The following FHOD3 variants were observed in gnomAD, a reference collection of about 807,000 sequenced individuals.
The protein encoded by FHOD3 is FH1/FH2 domain-containing protein 3.
FHOD3 carries 90 observed loss-of-function variants against 173.0 expected under a neutral mutation model. The ratio of observed to expected loss-of-function variants is 0.52; its 90% CI spans 0.44 to 0.62. FHOD3 has a LOEUF of 0.62. Among genes scored for constraint, FHOD3 ranks in the 20% least tolerant of loss-of-function variants. The pLI, the probability that FHOD3 is intolerant of heterozygous loss-of-function variation, is 0.00. For synonymous variants in FHOD3, 828 were observed against 823.0 expected (o/e 1.01, Z -0.10); for missense variants, 1,945 against 2,034.7 (o/e 0.96, Z 0.85).
intron 5 of FHOD3, among the ~76,000 whole-genome samples, chr18:36,517,637 A>T (rs1056218928): frequency 1.3e-5 from 2 of 152,254 alleles, no homozygotes; most frequent in African/African-American, 2.4e-5. Context: ...AATACCAATT[A>T]ATCATAAAAC....
At chr18:36,694,868 T>A (rs1282847466) in intron 17 of FHOD3, among the ~76,000 whole-genome samples, 3 of 152,226 alleles carry the variant, frequency 2.0e-5, no homozygotes, top group African/African-American at 7.2e-5. Context: ...AGATAATTTC[T>A]TACGTATTTG....
Position 36,652,797 on chromosome 18 carries a change from C to T in FHOD3, c.1514C>T (p.Ser505Phe), listed in dbSNP as rs532219022. 236 of 1,536,034 alleles carry T rather than the reference C, an allele frequency of 1.5e-4. 5 individuals carry two copies. In the South Asian group the frequency reaches 2.7e-3, roughly 17 times the overall value. Residue 505 changes from serine (S) to phenylalanine (F), a missense_variant, in exon 12 of 29, where the codon TCC (serine) becomes TTC (phenylalanine). Transcript: ENST00000590592. The stretch of plus-strand genomic sequence containing the variant: ...CGGCCCTCCTCCGCCACACCAGGCT[C>T]CCTGAAGGTGTCACCGACCATAGAC... ...AARPSSATPG[S>F]LKVSPTIDKL...
intron 6 of FHOD3, among the ~76,000 whole-genome samples, chr18:36,577,905 C>T (rs954096700): frequency 2.6e-5 from 4 of 152,154 alleles, no homozygotes; most frequent in South Asian, 2.1e-4. Flanking sequence ...GTGTTAGGGA[C>T]CTGACTGCAG....
intron 11 of FHOD3, 135 bp from the exon 12 acceptor site, chr18:36,652,435 A>C: frequency 8.6e-7 from 1 of 1,162,664 alleles, no homozygotes; most frequent in Non-Finnish European, 1.2e-6. Flanking sequence ...TCAGTTCAAG[A>C]AACACAGCTT....
intron 3 of FHOD3, among the ~76,000 whole-genome samples, chr18:36,449,773 A>G (rs1219144630): frequency 1.3e-5 from 2 of 152,182 alleles, no homozygotes; most frequent in Admixed American, 6.5e-5. Context: ...TTAGGGAAAG[A>G]TGTTTTCCAA....
intron 3 of FHOD3, among the ~76,000 whole-genome samples, chr18:36,499,182 C>T (rs1281974707): frequency 6.6e-6 from 1 of 152,188 alleles, no homozygotes; most frequent in Non-Finnish European, 1.5e-5. Flanking sequence ...CAGCTCACTG[C>T]AATCCCCACC....
chr18:36,388,572 G>T (rs1201001533), intron 3 of FHOD3, among the ~76,000 whole-genome samples: 4 of 152,174 alleles, frequency 2.6e-5, no homozygotes, highest in Non-Finnish European at 5.9e-5. Context: ...CCTCTCGGCA[G>T]AGCCTGGGTT....
intron 5 of FHOD3, among the ~76,000 whole-genome samples, chr18:36,531,526 C>T (rs573443559): frequency 5.6e-4 from 86 of 152,290 alleles, no homozygotes; most frequent in African/African-American, 2.0e-3. Flanking sequence ...GCCTCCCTTC[C>T]TAAATCACAG....
intron 16 of FHOD3, among the ~76,000 whole-genome samples, chr18:36,690,256 A>G (rs566737239): frequency 3.4e-4 from 52 of 152,228 alleles, no homozygotes; most frequent in Non-Finnish European, 6.6e-4. Flanking sequence ...GAAAAGATGA[A>G]TGAACAAACA....
At chr18:36,439,383 T>C (rs1454519520) in intron 3 of FHOD3, among the ~76,000 whole-genome samples, 2 of 152,162 alleles carry the variant, frequency 1.3e-5, no homozygotes, top group East Asian at 3.9e-4. Context: ...CCCCAGGATT[T>C]AGCAGAGGAG....
chr18:36,723,711 C>G (rs906482935), intron 19 of FHOD3, among the ~76,000 whole-genome samples: 4 of 152,164 alleles, frequency 2.6e-5, no homozygotes, highest in Admixed American at 2.6e-4. Flanking sequence ...CAGCACTCCC[C>G]AAACCTCCTG....
intron 24 of FHOD3, among the ~76,000 whole-genome samples, chr18:36,752,545 G>A (rs2042448650): frequency 6.6e-6 from 1 of 152,132 alleles, no homozygotes; most frequent in African/African-American, 2.4e-5. Context: ...AAACTCAACT[G>A]AAAAAAATTC....
chr18:36,714,739 C>A (rs1010223195), intron 18 of FHOD3, among the ~76,000 whole-genome samples: 3 of 152,152 alleles, frequency 2.0e-5, no homozygotes, highest in Non-Finnish European at 4.4e-5. Flanking sequence ...TGCTATTATC[C>A]TCAGATGGCA....
Position 36,611,962 on chromosome 18 carries a change from G to C in FHOD3, c.824G>C (p.Gly275Ala). 1 of 1,613,896 alleles carries C rather than the reference G, an allele frequency of 6.2e-7. No individual in the cohort carries two copies. The highest frequency in any genetic ancestry group is 8.5e-7 in the Non-Finnish European group (1 of 1,179,930). ...AMTLVNKTLS[G>A]LPDQDTFYDV... ...CTTCTCTTCTTCCAGACGTTATCAGGACTACCAGACCAAGACACCTTCTAC... is the reference window on the plus strand; with the variant it reads ...CTTCTCTTCTTCCAGACGTTATCAGCACTACCAGACCAAGACACCTTCTAC... Residue 275 changes from glycine (G) to alanine (A), a missense_variant, in exon 9 of 29, where the codon GGA (glycine) becomes GCA (alanine). Transcript: ENST00000590592.
intron 1 of FHOD3, among the ~76,000 whole-genome samples, chr18:36,310,636 G>A (rs1212172781): frequency 2.7e-5 from 4 of 148,662 alleles, no homozygotes; most frequent in Admixed American, 1.4e-4. Flanking sequence ...GCAGTGAACC[G>A]AGATCGTGCC....
chr18:36,313,354 T>A (rs1713002123), intron 1 of FHOD3, among the ~76,000 whole-genome samples: 1 of 152,226 alleles, frequency 6.6e-6, no homozygotes, highest in South Asian at 2.1e-4. Context: ...AGTTTTCATA[T>A]ATGCATAAGT....
intron 3 of FHOD3, among the ~76,000 whole-genome samples, chr18:36,424,841 C>A (rs991783465): frequency 6.6e-6 from 1 of 152,146 alleles, no homozygotes; most frequent in Admixed American, 6.5e-5. Context: ...TGAAATCATC[C>A]CTTTGTTCAG....
chr18:36,375,568 G>A (rs2047400261), intron 3 of FHOD3, among the ~76,000 whole-genome samples: 1 of 152,200 alleles, frequency 6.6e-6, no homozygotes, highest in African/African-American at 2.4e-5. Context: ...TTAGAATCCA[G>A]GACTGCATGT....
At chr18:36,340,394 G>A (rs2045550148) in intron 1 of FHOD3, among the ~76,000 whole-genome samples, 1 of 152,188 alleles carries the variant, frequency 6.6e-6, no homozygotes, top group Admixed American at 6.5e-5. Flanking sequence ...AAGACTAGGA[G>A]GTGGGGATTG....
Sources: allele counts gnomAD v4.1 joint callset (sites outside exome capture counted in the v4.1 genomes callset), GRCh38; gene constraint gnomAD v4.1.1; transcripts MANE v1.5; gene names NCBI Gene and HGNC (gene_info 2026-07-23, HGNC 2026-07-21).